Variants in RMDN2 observed in about 807,000 individuals in gnomAD.
The protein encoded by RMDN2 is regulator of microtubule dynamics protein 2.
Under a neutral mutation model 52.8 loss-of-function variants are expected in RMDN2, and 61 were observed. The ratio of observed to expected loss-of-function variants is 1.16; its 90% CI spans 0.94 to 1.43. The LOEUF is 1.43. Among genes scored for constraint, RMDN2 ranks in the 40% most tolerant of loss-of-function variants. The pLI is 0.00. For missense variants in RMDN2, 592 were observed against 475.3 expected, an observed-to-expected ratio of 1.25 and a Z score of -2.28; for synonymous variants, 180 against 153.1, an observed-to-expected ratio of 1.18 and a Z score of -1.30.
At chr2:37,994,283 A>G (rs980442771) in intron 7 of RMDN2, among the ~76,000 whole-genome samples, 1 of 152,216 alleles carries the variant, frequency 6.6e-6, no homozygotes, top group Non-Finnish European at 1.5e-5. Flanking sequence ...TTGGCATCGG[A>G]TAGATGAGCA....
Position 38,043,788 on chromosome 2 carries a change from CCTT to C in RMDN2, c.1714-23190_1714-23188del, listed in dbSNP as rs138483839. Among the ~76,000 whole-genome samples the C allele has an allele frequency of 4.0e-3, 603 of 152,162 alleles. 5 individuals are homozygous for C. Among genetic ancestry groups the C allele is most frequent in the African/African-American group, 0.014 (581 of 41,556 alleles). ...TTTTAGTAATATATTCCAGATTCCTCCTTCTTATCCTTTTTAACATTGCTGTCA... is the reference window on the plus strand; with the variant it reads ...TTTTAGTAATATATTCCAGATTCCTCCTTATCCTTTTTAACATTGCTGTCA... On this transcript the variant is annotated intron_variant, in intron 10 of 10. Transcript: ENST00000234195.
At chr2:37,940,252 C>G (rs1003043523) in intron 2 of RMDN2, among the ~76,000 whole-genome samples, 1 of 152,218 alleles carries the variant, frequency 6.6e-6, no homozygotes, top group Admixed American at 6.5e-5. Context: ...GAGAGATTTC[C>G]TGTTAGTCTG....
At chr2:38,006,919 T>C (rs1332525488) in intron 10 of RMDN2, among the ~76,000 whole-genome samples, 3 of 152,200 alleles carry the variant, frequency 2.0e-5, no homozygotes, top group Non-Finnish European at 4.4e-5. Context: ...CATGAAGTGT[T>C]GTTGAATTTT....
rs1674487591 is a variant in RMDN2, at chr2:37,989,596, A to T, written c.847A>T (p.Asn283Tyr). Residue 283 changes from asparagine to tyrosine, a missense_variant, in exon 6 of 11, where the codon AAC becomes TAC. Transcript: ENST00000354545. ...GTTTGAGGGTTTACAAAACAAAATCAACTATGGGCACCTCTTCAAGGTATT... is the reference window on the plus strand; with the variant it reads ...GTTTGAGGGTTTACAAAACAAAATCTACTATGGGCACCTCTTCAAGGTATT... ...SEFEGLQNKINYGHLFKEHLD... is the reference protein window; with the variant it reads ...SEFEGLQNKIYYGHLFKEHLD... The T allele has an allele frequency of 1.2e-6, 2 of 1,608,544 alleles. No homozygotes were observed.
intron 10 of RMDN2, among the ~76,000 whole-genome samples, chr2:38,048,118 G>A (rs745977500): frequency 3.9e-5 from 6 of 152,212 alleles, no homozygotes; most frequent in Non-Finnish European, 7.3e-5. Context: ...TCTTTGGCAA[G>A]TATGTTTGTG....
chr2:37,974,348 T>C, intron 3 of RMDN2, 134 bp downstream of exon 3: 1 of 527,474 alleles, frequency 1.9e-6, no homozygotes, highest in Non-Finnish European at 3.0e-6. Context: ...CTCTATAAAA[T>C]GACTAAAATT....
intron 2 of RMDN2, among the ~76,000 whole-genome samples, chr2:37,970,219 T>G (rs1189530095): frequency 6.6e-6 from 1 of 152,160 alleles, no homozygotes; most frequent in East Asian, 1.9e-4. Flanking sequence ...CCTGGCTGCC[T>G]TCTATTTCTT....
Position 37,967,735 on chromosome 2 carries a change from G to A in RMDN2, c.453-6305G>A, listed in dbSNP as rs114386616. 1.9e-3 allele frequency among the ~76,000 whole-genome samples: 287 copies of A among 152,284 alleles called. 3 individuals carry two copies. The highest frequency in any genetic ancestry group is 6.6e-3 in the African/African-American group (275 of 41,556). On this transcript the variant is annotated intron_variant, in intron 2 of 10. Transcript: ENST00000354545. The stretch of plus-strand genomic sequence containing the variant: ...GGCAATTTTGCAAGAGTTTCTTTCA[G>A]TGGGAAATCATTAGGCTTCCACCTT...
chr2:37,975,545 C>A (rs1672356725), intron 4 of RMDN2, among the ~76,000 whole-genome samples: 1 of 152,050 alleles, frequency 6.6e-6, no homozygotes, highest in South Asian at 2.1e-4. Context: ...CATCACACAA[C>A]AGGGCCTGTC....
chr2:38,059,764 C>A (rs2125306973), intron 10 of RMDN2, among the ~76,000 whole-genome samples: 1 of 152,196 alleles, frequency 6.6e-6, no homozygotes, highest in African/African-American at 2.4e-5. Flanking sequence ...GAGCCAAGGG[C>A]AGGTCTGTAT....
rs891746705 is a variant in RMDN2 at position 37,933,064 on chromosome 2, C to T, written c.452+3335C>T. 8.6e-4 allele frequency among the ~76,000 whole-genome samples: 129 copies of T among 150,188 alleles called. No homozygotes were observed. In the Middle Eastern group the frequency reaches 0.025, roughly 29 times the overall value. ...GGGACTCCTCACTTCTCAGATGGGG[C>T]GGTTGCCAGGCAGAGGGTCTCCTCA... On this transcript the variant is annotated intron_variant, in intron 2 of 10. Coordinates refer to ENST00000354545, the MANE Select transcript of RMDN2 (RefSeq NM_001170791.3).
At chr2:37,927,159 G>A (rs1666348606) in intron 1 of RMDN2, among the ~76,000 whole-genome samples, 1 of 152,098 alleles carries the variant, frequency 6.6e-6, no homozygotes, top group African/African-American at 2.4e-5. Flanking sequence ...TTTTTTTCTA[G>A]TTAATTTTTG....
intron 10 of RMDN2, 112 bp downstream of exon 10, chr2:38,004,328 A>G (rs1025568413): frequency 1.4e-6 from 1 of 692,452 alleles, no homozygotes; most frequent in Admixed American, 2.7e-5. Flanking sequence ...AATTTTATGT[A>G]TTTATTTTTA....
intron 4 of RMDN2, among the ~76,000 whole-genome samples, chr2:37,980,308 G>GT (rs749978531): frequency 2.2e-4 from 33 of 151,196 alleles, no homozygotes; most frequent in South Asian, 6.3e-4. Context: ...ATTATTTTTG[G>GT]TTTTTTTTTA....
intron 8 of RMDN2, among the ~76,000 whole-genome samples, chr2:38,001,166 G>C (rs1221941584): frequency 6.6e-6 from 1 of 152,188 alleles, no homozygotes; most frequent in East Asian, 1.9e-4. Context: ...TTAAAGAAGA[G>C]CTAATTTGTT....
At chr2:38,003,574 A>AGATAGATAGATG (rs1453982804) in intron 8 of RMDN2, among the ~76,000 whole-genome samples, 2 of 151,460 alleles carry the variant, frequency 1.3e-5, no homozygotes, top group African/African-American at 4.8e-5. Context: ...ATAGATAGAT[A>AGATAGATAGATG]GATAGATAGA....
intron 2 of RMDN2, among the ~76,000 whole-genome samples, chr2:37,964,340 C>T (rs1394097033): frequency 1.3e-5 from 2 of 152,228 alleles, no homozygotes; most frequent in Non-Finnish European, 2.9e-5. Flanking sequence ...CCTCCTATCA[C>T]CTCTTTTGCT....
At chr2:38,017,140 A>C (rs745914595) in intron 10 of RMDN2, 46 bp from the exon 11 acceptor site, 2 of 1,234,342 alleles carry the variant, frequency 1.6e-6, no homozygotes, top group Admixed American at 2.3e-5. Flanking sequence ...TAGAGTATCA[A>C]GATGAATGCA....
intron 2 of RMDN2, chr2:37,951,257 C>T (rs1251445047): frequency 1.9e-6 from 3 of 1,598,234 alleles, no homozygotes; most frequent in African/African-American, 1.4e-5. Flanking sequence ...ACCAGAGCTT[C>T]CAACGATGTT....
Sources: gnomAD v4.1 joint callset for allele counts (sites outside exome capture counted in the v4.1 genomes callset) on GRCh38, gnomAD v4.1.1 for gene constraint, MANE v1.5 for transcripts, NCBI Gene and HGNC (gene_info 2026-07-23, HGNC 2026-07-21) for gene names.